Variants in KRT86 observed in about 807,000 individuals in gnomAD.
KRT86 encodes the protein keratin, type II cuticular Hb6.
KRT86 carries 30 observed loss-of-function variants against 41.2 expected under a neutral mutation model. That is an observed-to-expected ratio of 0.73 (90% confidence interval 0.54 to 0.99). KRT86 has a LOEUF of 0.99. Among genes scored for constraint, KRT86 ranks in the 50% least tolerant of loss-of-function variants. KRT86 has a pLI of 0.00. For synonymous variants in KRT86, 238 were observed against 238.1 expected (o/e 1.00, Z 0.00); for missense variants, 561 against 571.4 (o/e 0.98, Z 0.19).
At chr12:52,287,522 G>T (rs143757368) in intron 2 of KRT86, 2 of 1,612,516 alleles carry the variant, frequency 1.2e-6, no homozygotes, top group South Asian at 1.1e-5. Flanking sequence ...TGAGATCCAG[G>T]TAGGGCACAC....
chr12:52,292,542 T>A (rs1029386845), intron 2 of KRT86, among the ~76,000 whole-genome samples: 2 of 152,230 alleles, frequency 1.3e-5, no homozygotes, highest in African/African-American at 4.8e-5. Context: ...TTTAAGTTAG[T>A]AAAAACTAAA....
chr12:52,286,432 T>C, intron 2 of KRT86: 6 of 1,553,024 alleles, frequency 3.9e-6, no homozygotes, highest in Non-Finnish European at 5.2e-6. Context: ...TGCCAGTCAC[T>C]GGCCGGGAGC....
chr12:52,286,332 C>T, intron 2 of KRT86: 2 of 1,554,922 alleles, frequency 1.3e-6, no homozygotes, highest in Non-Finnish European at 1.7e-6. Flanking sequence ...CCGCAGGAAC[C>T]CCCTCCGCAG....
intron 1 of KRT86, 162 bp downstream of exon 1, chr12:52,274,884 C>T (rs1344913700): frequency 4.8e-6 from 1 of 209,394 alleles, no homozygotes; most frequent in African/African-American, 2.4e-5. Context: ...TGTTCCCCCA[C>T]ACTCCATCTG....
chr12:52,287,081 G>A (rs1164823389), intron 2 of KRT86: 8 of 1,612,688 alleles, frequency 5.0e-6, no homozygotes, highest in Non-Finnish European at 6.8e-6. Context: ...GTGGTTCTGG[G>A]CCACCCTTGG....
intron 2 of KRT86, 28 bp from the exon 3 acceptor site, chr12:52,301,885 C>T (rs559412483): frequency 1.2e-6 from 2 of 1,613,798 alleles, no homozygotes; most frequent in South Asian, 1.1e-5. Flanking sequence ...CGTCTCCATC[C>T]TCAGAACCTC....
intron 2 of KRT86, chr12:52,291,312 C>G (rs2071588): frequency 0.29 from 450,035 of 1,546,028 alleles, 68,243 homozygotes; most frequent in East Asian, 0.38. Context: ...CGAAAGCCTC[C>G]GCACACGCTG....
At chr12:52,297,970 G>A (rs560479338) in intron 2 of KRT86, among the ~76,000 whole-genome samples, 1 of 152,290 alleles carries the variant, frequency 6.6e-6, no homozygotes, top group East Asian at 1.9e-4. Flanking sequence ...TTAGGATCAG[G>A]CAAAAATAAA....
At chr12:52,287,724 G>A (rs184227702) in intron 2 of KRT86, 11 of 1,613,984 alleles carry the variant, frequency 6.8e-6, no homozygotes, top group South Asian at 4.4e-5. Flanking sequence ...TCCTCACACT[G>A]GGGGAAGTAG....
chr12:52,299,719 T>C (rs958512911), intron 2 of KRT86, among the ~76,000 whole-genome samples: 9 of 152,366 alleles, frequency 5.9e-5, no homozygotes, highest in South Asian at 2.1e-4. Context: ...TCAATATACC[T>C]GTTGGTCATG....
At chr12:52,304,798 A>AG in intron 5 of KRT86, 134 bp from the exon 6 acceptor site, 1 of 1,014,368 alleles carries the variant, frequency 9.9e-7, no homozygotes, top group Non-Finnish European at 1.6e-6. Flanking sequence ...AAGGGCCAGA[A>AG]GGGAAGGAGA....
intron 6 of KRT86, 53 bp downstream of exon 6, chr12:52,305,080 G>A (rs1938474417): frequency 6.2e-7 from 1 of 1,610,736 alleles, no homozygotes; most frequent in African/African-American, 1.3e-5. Flanking sequence ...GAGGAGAGAT[G>A]GGGGTGGGAG....
chr12:52,305,524 T>C, intron 7 of KRT86, 120 bp downstream of exon 7: 6 of 1,599,624 alleles, frequency 3.8e-6, no homozygotes, highest in Non-Finnish European at 5.1e-6. Flanking sequence ...GCTGCCACTC[T>C]GATGTTGGGG....
At position 52,284,126 on chromosome 12, in the gene KRT86, A is replaced by G. The variant is rs113454026; in HGVS notation, c.-5+8180A>G. On this transcript the variant is annotated intron_variant, in intron 2 of 10. Coordinates refer to ENST00000423955, the MANE Select transcript of KRT86 (RefSeq NM_001320198.2). ...TAGTTGGCTTCTGAACTAGGGAGGG[A>G]TGGAGCTGGTGCTTGAGTCTCAGGT... Among the ~76,000 whole-genome samples the G allele has an allele frequency of 9.5e-3, 1,448 of 152,220 alleles. 24 individuals are homozygous for G. Among genetic ancestry groups the G allele is most frequent in the African/African-American group, 0.033 (1,374 of 41,528 alleles).
At chr12:52,288,869 C>T (rs1357007408) in intron 2 of KRT86, among the ~76,000 whole-genome samples, 1 of 151,620 alleles carries the variant, frequency 6.6e-6, no homozygotes, top group Non-Finnish European at 1.5e-5. Context: ...GGTCAGACTC[C>T]CCAAAATGCT....
chr12:52,288,670 T>C (rs957744150), intron 2 of KRT86, among the ~76,000 whole-genome samples: 22 of 152,010 alleles, frequency 1.4e-4, no homozygotes, highest in African/African-American at 5.3e-4. Flanking sequence ...CTCACCAGCC[T>C]TTCACCCCTC....
intron 2 of KRT86, chr12:52,286,102 G>T: frequency 1.4e-6 from 1 of 717,348 alleles, no homozygotes. Flanking sequence ...CAGAAGTGGG[G>T]GATCACACAG....
intron 2 of KRT86, among the ~76,000 whole-genome samples, chr12:52,292,504 A>T (rs1420112504): frequency 2.0e-5 from 3 of 152,226 alleles, no homozygotes; most frequent in African/African-American, 7.2e-5. Flanking sequence ...CCAATTTGGT[A>T]GACAATAGGC....
rs1351635418 is a variant in KRT86 at position 52,308,990 on chromosome 12, C to T, written c.*405C>T. ...TGCTTTTGCCTGTGGAATGGAGACG[C>T]GGACCCTGGATAGTGGTTCTATGAC... is the stretch of plus-strand genomic sequence containing the variant. On this transcript the variant is annotated 3_prime_UTR_variant, in exon 11 of 11. Coordinates refer to ENST00000423955, the MANE Select transcript of KRT86 (RefSeq NM_001320198.2). 5 of 243,720 alleles carry T rather than the reference C, an allele frequency of 2.1e-5. No individual in the cohort carries two copies. The East Asian group carries it at 3.6e-4, about 17-fold the overall frequency. 15.1% of individuals were successfully genotyped at this position (243,720 alleles called of 1,614,324 possible).
Sources: allele counts gnomAD v4.1 joint callset (sites outside exome capture counted in the v4.1 genomes callset), GRCh38; gene constraint gnomAD v4.1.1; transcripts MANE v1.5; gene names NCBI Gene and HGNC (gene_info 2026-07-23, HGNC 2026-07-21).